EXOC4: variants seen among roughly 807,000 people sequenced by gnomAD.
EXOC4 encodes SEC8-like 1.
A neutral mutation model predicts 107.2 loss-of-function variants in EXOC4; 71 were observed. The ratio of observed to expected loss-of-function variants is 0.66; its 90% CI spans 0.55 to 0.81. The LOEUF is 0.81. Ranked by LOEUF, EXOC4 falls within the 30% of genes least tolerant of loss-of-function variation. The probability of loss-of-function intolerance (pLI) is 0.00; values close to 1 mark genes in which losing one functional copy is unlikely to be tolerated. For synonymous variants in EXOC4, 456 were observed against 441.2 expected, an observed-to-expected ratio of 1.03 and a Z score of -0.42; for missense variants, 1,108 against 1,189.6, an observed-to-expected ratio of 0.93 and a Z score of 1.01.
intron 11 of EXOC4, among the ~76,000 whole-genome samples, chr7:133,856,363 A>T (rs1798372416): frequency 6.6e-6 from 1 of 152,240 alleles, no homozygotes; most frequent in Non-Finnish European, 1.5e-5. Flanking sequence ...GAGCATCCAA[A>T]TGCCTAAGCA....
intron 10 of EXOC4, among the ~76,000 whole-genome samples, chr7:133,645,522 T>G (rs1354931074): frequency 6.6e-6 from 1 of 152,124 alleles, no homozygotes; most frequent in Non-Finnish European, 1.5e-5. Context: ...AGGGACCATT[T>G]TTTGATTGGC....
intron 9 of EXOC4, among the ~76,000 whole-genome samples, chr7:133,557,326 T>C (rs896743389): frequency 2.0e-5 from 3 of 151,616 alleles, no homozygotes; most frequent in African/African-American, 7.3e-5. Flanking sequence ...TTCACTATAC[T>C]CTATATTTCA....
chr7:133,907,418 A>G (rs1035641727), intron 12 of EXOC4, among the ~76,000 whole-genome samples: 5 of 152,162 alleles, frequency 3.3e-5, no homozygotes, highest in African/African-American at 1.2e-4. Flanking sequence ...CATCAAGGTT[A>G]TTTGGGGAAA....
At chr7:133,595,260 G>T (rs572070327) in intron 9 of EXOC4, among the ~76,000 whole-genome samples, 2 of 152,164 alleles carry the variant, frequency 1.3e-5, no homozygotes, top group Non-Finnish European at 2.9e-5. Flanking sequence ...GTGATCAATA[G>T]TATGTGTCAA....
Position 133,823,894 on chromosome 7 carries a change from T to TTATATATATA in EXOC4, c.1734+6351_1734+6352insATATATATAT, listed in dbSNP as rs1563015086. ...ATATTATATATATATATATATATATTTTATATATATATATATAAATATATA... is the reference window on the plus strand; with the variant it reads ...ATATTATATATATATATATATATATTTATATATATATTATATATATATATATAAATATATA... On this transcript the variant is annotated intron_variant, in intron 11 of 17. Coordinates refer to ENST00000253861, the MANE Select transcript of EXOC4 (RefSeq NM_021807.4). 3.2e-3 allele frequency among the ~76,000 whole-genome samples: 57 copies of TTATATATATA among 17,662 alleles called. 2 individuals carry two copies. The African/African-American group carries it at 0.039, about 12-fold the overall frequency. The allele number at this position is 17,662 out of a possible 152,430, so 11.6% of individuals were successfully genotyped here. A position where few individuals can be genotyped will look rare whatever the true frequency, so the allele number is the denominator to read the frequency against.
At chr7:134,036,564 G>A (rs1485503677) in intron 17 of EXOC4, among the ~76,000 whole-genome samples, 3 of 152,096 alleles carry the variant, frequency 2.0e-5, no homozygotes, top group Non-Finnish European at 2.9e-5. Context: ...CTCTAGCCTG[G>A]GAGAGATAGC....
chr7:133,397,701 AT>A (rs1797002293), intron 7 of EXOC4, among the ~76,000 whole-genome samples: 7 of 151,666 alleles, frequency 4.6e-5, no homozygotes, highest in Admixed American at 2.0e-4. Flanking sequence ...CCCTCTGAGC[AT>A]TTGTACTTGC....
chr7:133,724,544 CAG>C (rs555501885), intron 10 of EXOC4, among the ~76,000 whole-genome samples: 80 of 152,014 alleles, frequency 5.3e-4, no homozygotes, highest in African/African-American at 7.5e-4. Context: ...AGTGACAAAA[CAG>C]AAAAAAATTT....
chr7:134,020,682 C>G (rs1034958382), intron 17 of EXOC4, among the ~76,000 whole-genome samples: 5 of 152,124 alleles, frequency 3.3e-5, no homozygotes, highest in African/African-American at 1.2e-4. Flanking sequence ...CACTTCAGCT[C>G]TCTTGGCTGA....
chr7:133,406,381 T>C (rs1319714324), intron 7 of EXOC4, among the ~76,000 whole-genome samples: 5 of 152,228 alleles, frequency 3.3e-5, no homozygotes, highest in African/African-American at 4.8e-5. Context: ...AAATGCTTAA[T>C]AATTTTTGAG....
Position 134,063,959 on chromosome 7 carries a change from C to T in EXOC4, c.2688-332C>T, listed in dbSNP as rs76704571. ...AAACCTGTTAACAATGCCTTCTCTC[C>T]TTCTTCAGGCTATACCCCTACTTTT... On this transcript the variant is annotated intron_variant, in intron 17 of 17. Transcript: ENST00000253861. 2.6e-5 allele frequency among the ~76,000 whole-genome samples: 4 copies of T among 152,272 alleles called. No homozygotes were observed. In the East Asian group the frequency reaches 7.7e-4, roughly 29 times the overall value.
intron 14 of EXOC4, among the ~76,000 whole-genome samples, chr7:133,962,761 G>A (rs1470857784): frequency 1.3e-5 from 2 of 152,144 alleles, no homozygotes; most frequent in African/African-American, 2.4e-5. Flanking sequence ...AGCCATTTAC[G>A]CTTCATAGGA....
intron 7 of EXOC4, among the ~76,000 whole-genome samples, chr7:133,410,768 T>C (rs1797338534): frequency 6.6e-6 from 1 of 152,356 alleles, no homozygotes; most frequent in Non-Finnish European, 1.5e-5. Flanking sequence ...TATATGCTTA[T>C]ATAGTTGAGA....
At chr7:133,443,284 G>A (rs540925488) in intron 7 of EXOC4, among the ~76,000 whole-genome samples, 1 of 152,258 alleles carries the variant, frequency 6.6e-6, no homozygotes, top group South Asian at 2.1e-4. Context: ...GTTCCGAGGA[G>A]ACCCTAGCAG....
intron 10 of EXOC4, among the ~76,000 whole-genome samples, chr7:133,714,034 A>G (rs1247760370): frequency 6.6e-6 from 1 of 152,210 alleles, no homozygotes; most frequent in Non-Finnish European, 1.5e-5. Flanking sequence ...ACTGCTTGAT[A>G]GGATACACAG....
At chr7:133,349,479 G>A (rs754444263) in intron 5 of EXOC4, among the ~76,000 whole-genome samples, 1 of 152,156 alleles carries the variant, frequency 6.6e-6, no homozygotes, top group Non-Finnish European at 1.5e-5. Flanking sequence ...GTTGTAGCAT[G>A]TGTCAGAATT....
At chr7:133,622,004 T>G (rs1019960353) in intron 9 of EXOC4, among the ~76,000 whole-genome samples, 4 of 152,210 alleles carry the variant, frequency 2.6e-5, no homozygotes, top group Non-Finnish European at 5.9e-5. Context: ...AGATAGGGTC[T>G]CACTCTGTTG....
At chr7:134,062,867 A>G (rs1216739129) in intron 17 of EXOC4, among the ~76,000 whole-genome samples, 1 of 152,164 alleles carries the variant, frequency 6.6e-6, no homozygotes, top group African/African-American at 2.4e-5. Flanking sequence ...GAATCCCTAT[A>G]ATGCATATTT....
intron 7 of EXOC4, among the ~76,000 whole-genome samples, chr7:133,408,920 T>C (rs1797290326): frequency 6.6e-6 from 1 of 152,220 alleles, no homozygotes; most frequent in Admixed American, 6.5e-5. Flanking sequence ...TCCAACAATT[T>C]ATTTATAAGA....
Sources: allele counts gnomAD v4.1 joint callset (sites outside exome capture counted in the v4.1 genomes callset), GRCh38; gene constraint gnomAD v4.1.1; transcripts MANE v1.5; gene names NCBI Gene and HGNC (gene_info 2026-07-23, HGNC 2026-07-21).